RTF1: variants seen among roughly 807,000 people sequenced by gnomAD.
RTF1 encodes the protein RNA polymerase-associated protein RTF1 homolog.
In RTF1, 10 loss-of-function variants were observed where a neutral mutation model predicts 95.7. That is an observed-to-expected ratio of 0.10 (90% CI 0.06 to 0.18). RTF1 has a LOEUF of 0.18. Among genes scored for constraint, RTF1 ranks in the 10% least tolerant of loss-of-function variants. RTF1 has a pLI of 1.00. For synonymous variants in RTF1, 305 were observed against 311.8 expected (o/e 0.98, Z 0.23); for missense variants, 458 against 875.6 (o/e 0.52, Z 6.02).
In RTF1 at chr15:41,482,795, C is replaced by G. The variant is rs2050984546; in HGVS notation, c.*2108C>G. The G allele has an allele frequency of 6.6e-6, 1 of 152,380 alleles. No individual in the cohort carries two copies. The highest frequency in any genetic ancestry group is 1.5e-5 in the Non-Finnish European group (1 of 68,024). 9.4% of individuals were successfully genotyped at this position (152,380 alleles called of 1,614,324 possible). On this transcript the variant is annotated 3_prime_UTR_variant, in exon 18 of 18. Coordinates refer to ENST00000389629, the MANE Select transcript of RTF1 (RefSeq NM_015138.5). ...CAGAGTCCTGGAGCTGCTGGGACCT[C>G]TCCTATCATGATGAACTTGGACTTT...
intron 11 of RTF1, among the ~76,000 whole-genome samples, chr15:41,476,031 C>G (rs1279258793): frequency 6.6e-6 from 1 of 152,150 alleles, no homozygotes; most frequent in Non-Finnish European, 1.5e-5. Context: ...GAAGTGTATT[C>G]AGAGTTCAGA....
chr15:41,459,109 G>A (rs1353395390), intron 4 of RTF1, among the ~76,000 whole-genome samples: 2 of 151,724 alleles, frequency 1.3e-5, no homozygotes, highest in Non-Finnish European at 2.9e-5. Context: ...GGCCTGGCGC[G>A]GCGGCTCACA....
intron 1 of RTF1, among the ~76,000 whole-genome samples, chr15:41,421,246 T>G (rs28576457): frequency 0.19 from 28,274 of 151,894 alleles, 3,391 homozygotes; most frequent in Non-Finnish European, 0.26. Context: ...CACCTGAGGT[T>G]GGGAGTTTGA....
intron 14 of RTF1, 109 bp from the exon 15 acceptor site, chr15:41,478,439 A>T: frequency 6.6e-6 from 5 of 758,288 alleles, no homozygotes; most frequent in Non-Finnish European, 1.1e-5. Flanking sequence ...AAAGGATAAT[A>T]GCTTTTTTTT....
Position 41,452,897 on chromosome 15 carries a change from A to G in RTF1, c.310-4A>G. On this transcript the variant is annotated splice_polypyrimidine_tract_variant and splice_region_variant and intron_variant, in intron 2 of 17. Coordinates refer to ENST00000389629, the MANE Select transcript of RTF1 (RefSeq NM_015138.5). ...CAGTCTTCCTTTTTCTTTTCTCCTT[A>G]TAGTGGACATTTGGGAGCAATAAAA... 1 of 1,587,262 alleles carries G rather than the reference A, an allele frequency of 6.3e-7. No homozygotes were observed. Among genetic ancestry groups the G allele is most frequent in the South Asian group, 1.2e-5 (1 of 86,942 alleles).
intron 11 of RTF1, among the ~76,000 whole-genome samples, chr15:41,476,194 A>T (rs2050941122): frequency 6.6e-6 from 1 of 152,146 alleles, no homozygotes; most frequent in South Asian, 2.1e-4. Flanking sequence ...CTAGCCTTAC[A>T]CTACCAGGCC....
At position 41,438,305 on chromosome 15, in the gene RTF1, A is replaced by T. The variant is rs1443820236; in HGVS notation, c.199-16A>T. ...TCTGTTGAACAAAACTGATGTGCCT[A>T]TTTTTGTCCCATTAGGAGCTCTTGT... On this transcript the variant is annotated splice_polypyrimidine_tract_variant and intron_variant, in intron 1 of 17. Coordinates refer to ENST00000389629, the MANE Select transcript of RTF1 (RefSeq NM_015138.5). The T allele has an allele frequency of 1.3e-6, 2 of 1,529,696 alleles. No homozygotes were observed. Among genetic ancestry groups the T allele is most frequent in the Admixed American group, 4.0e-5 (2 of 49,970 alleles). The allele number at this position is 1,529,696 out of a possible 1,614,324, so 94.8% of individuals were successfully genotyped here.
chr15:41,462,598 C>T (rs2050856167), intron 4 of RTF1, among the ~76,000 whole-genome samples: 1 of 152,096 alleles, frequency 6.6e-6, no homozygotes, highest in Admixed American at 6.6e-5. Context: ...GTGTATAATT[C>T]ATTGGTTTTT....
chr15:41,469,313 G>T (rs1043589686), intron 6 of RTF1, among the ~76,000 whole-genome samples: 39 of 151,594 alleles, frequency 2.6e-4, no homozygotes, highest in African/African-American at 9.0e-4. Flanking sequence ...AGATTAACCT[G>T]CCATCTTAGA....
intron 8 of RTF1, 89 bp from the exon 9 acceptor site, chr15:41,474,531 G>T: frequency 1.1e-6 from 1 of 923,278 alleles, no homozygotes; most frequent in African/African-American, 1.6e-5. Context: ...TCAGTTGTCT[G>T]CGTTCAGGTA....
At position 41,432,876 on chromosome 15, in the gene RTF1, T is replaced by G. The variant is rs376434881; in HGVS notation, c.199-5445T>G. 5.9e-5 allele frequency among the ~76,000 whole-genome samples: 9 copies of G among 151,354 alleles called. No individual in the cohort carries two copies. In the East Asian group the frequency reaches 1.6e-3, roughly 26 times the overall value. ...ATTGCTTGAACCAGGAGGCCGAGGT[T>G]GTAGTGAGCCGGGATCGCACCATTG... On this transcript the variant is annotated intron_variant, in intron 1 of 17. Coordinates refer to ENST00000389629, the MANE Select transcript of RTF1 (RefSeq NM_015138.5).
intron 1 of RTF1, among the ~76,000 whole-genome samples, chr15:41,423,783 C>A (rs941694519): frequency 6.6e-6 from 1 of 151,860 alleles, no homozygotes; most frequent in Non-Finnish European, 1.5e-5. Flanking sequence ...GATGGAGTCT[C>A]ACTTTGTTGC....
At chr15:41,420,063 T>G (rs1178470643) in intron 1 of RTF1, among the ~76,000 whole-genome samples, 5 of 152,110 alleles carry the variant, frequency 3.3e-5, no homozygotes, top group Non-Finnish European at 2.9e-5. Context: ...TCAAGTGATA[T>G]GCCCACCTCG....
intron 1 of RTF1, among the ~76,000 whole-genome samples, chr15:41,427,275 C>T (rs1258853981): frequency 6.6e-6 from 1 of 150,828 alleles, no homozygotes; most frequent in East Asian, 2.0e-4. Context: ...CCTCAGCCTC[C>T]TGAGTAGCTG....
chr15:41,433,532 A>C (rs1057148087), intron 1 of RTF1, among the ~76,000 whole-genome samples: 1 of 151,966 alleles, frequency 6.6e-6, no homozygotes, highest in Non-Finnish European at 1.5e-5. Flanking sequence ...ATCAGGTTTC[A>C]CCATGTTGGC....
intron 1 of RTF1, among the ~76,000 whole-genome samples, chr15:41,435,174 G>T (rs1020404181): frequency 6.6e-6 from 1 of 152,046 alleles, no homozygotes; most frequent in African/African-American, 2.4e-5. Flanking sequence ...ATCAAAACAG[G>T]AGTACTAGTG....
intron 2 of RTF1, among the ~76,000 whole-genome samples, chr15:41,441,475 G>A (rs1404834990): frequency 1.3e-5 from 2 of 152,048 alleles, no homozygotes; most frequent in Non-Finnish European, 2.9e-5. Context: ...TATGTCTGTT[G>A]TTAAAAGTTA....
intron 4 of RTF1, among the ~76,000 whole-genome samples, chr15:41,458,136 T>C (rs1462600062): frequency 6.6e-6 from 1 of 152,228 alleles, no homozygotes; most frequent in Non-Finnish European, 1.5e-5. Flanking sequence ...CTATTTAATC[T>C]TCACAACTGC....
chr15:41,459,957 G>A (rs77241872), intron 4 of RTF1, among the ~76,000 whole-genome samples: 4,125 of 152,174 alleles, frequency 0.027, 77 homozygotes, highest in Middle Eastern at 0.082. Flanking sequence ...CTTATGAAAG[G>A]AGAATAGAAG....
Sources: allele counts gnomAD v4.1 joint callset (sites outside exome capture counted in the v4.1 genomes callset), GRCh38; gene constraint gnomAD v4.1.1; transcripts MANE v1.5; gene names NCBI Gene and HGNC (gene_info 2026-07-23, HGNC 2026-07-21).